The following STAU1 variants were observed in gnomAD, a reference collection of about 807,000 sequenced individuals.
STAU1 encodes double-stranded RNA-binding protein Staufen homolog 1.
STAU1 carries 13 observed loss-of-function variants against 62.9 expected under a neutral mutation model. That is an observed-to-expected ratio of 0.21 (90% CI 0.13 to 0.33). The LOEUF is 0.33. Ranked by LOEUF, STAU1 falls within the 10% of genes least tolerant of loss-of-function variation. STAU1 has a pLI of 1.00. For missense variants in STAU1, 571 were observed against 712.1 expected, an observed-to-expected ratio of 0.80 and a Z score of 2.25; for synonymous variants, 269 against 265.1, an observed-to-expected ratio of 1.01 and a Z score of -0.14.
chr20:49,115,843 G>A lies in STAU1; in HGVS notation c.1657C>T (p.Leu553=). 6.2e-7 allele frequency: 1 copy of A among 1,614,066 alleles called. No individual in the cohort carries two copies. The change falls in exon 13 of 14, where the codon CTG becomes TTG. Residue 553 remains leucine, a synonymous_variant. Coordinates refer to ENST00000371856, the MANE Select transcript of STAU1 (RefSeq NM_017453.4). ...DMAALNILKL[L]SELDQQSTEM... Reference sequence around the variant, plus strand: ...GTACTTTGTTGGTCCAACTCAGACAGCAACTTTAAGATGTTCAGCGCAGCC... The same window carrying A: ...GTACTTTGTTGGTCCAACTCAGACAACAACTTTAAGATGTTCAGCGCAGCC...
At chr20:49,137,970 G>A (rs925566809) in intron 5 of STAU1, among the ~76,000 whole-genome samples, 3 of 151,540 alleles carry the variant, frequency 2.0e-5, no homozygotes, top group African/African-American at 4.9e-5. Flanking sequence ...ATGAGCCACC[G>A]TGTCTGGCCA....
intron 2 of STAU1, among the ~76,000 whole-genome samples, chr20:49,173,560 C>A (rs1461355399): frequency 6.6e-6 from 1 of 152,192 alleles, no homozygotes; most frequent in Admixed American, 6.5e-5. Flanking sequence ...ATTTCCTCAT[C>A]CTCAAAGTAG....
At chr20:49,197,106 G>C in the STAU1 span, among the ~76,000 whole-genome samples, 30 of 150,932 alleles carry the variant, frequency 2.0e-4, no homozygotes, top group African/African-American at 6.1e-4. Flanking sequence ...AGTGAGCCGA[G>C]ATCGCACCAC....
At chr20:49,150,366 AT>A (rs11475781) in intron 5 of STAU1, among the ~76,000 whole-genome samples, 17,114 of 144,986 alleles carry the variant, frequency 0.12, 1,104 homozygotes, top group South Asian at 0.18. Flanking sequence ...TTTTACCTCC[AT>A]TTTTTTTTTT....
the STAU1 span, among the ~76,000 whole-genome samples, chr20:49,198,913 A>G: frequency 6.6e-6 from 1 of 152,082 alleles, no homozygotes; most frequent in Non-Finnish European, 1.5e-5. Flanking sequence ...CAGTGAGCCA[A>G]GATCGTGCCA....
At chr20:49,193,924 G>A in the STAU1 span, among the ~76,000 whole-genome samples, 1 of 151,512 alleles carries the variant, frequency 6.6e-6, no homozygotes, top group African/African-American at 2.4e-5. Context: ...AGCAGAGATC[G>A]CCACAATGCA....
the STAU1 span, among the ~76,000 whole-genome samples, chr20:49,210,055 A>AAAAT: frequency 1.1e-4 from 16 of 152,022 alleles, no homozygotes; most frequent in African/African-American, 3.4e-4. Flanking sequence ...TCTCAAAAAA[A>AAAAT]AATAATAATA....
Position 49,166,084 on chromosome 20 carries a change from T to C in STAU1, c.118A>G (p.Ser40Gly). 1 of 1,614,218 alleles carries C rather than the reference T, an allele frequency of 6.2e-7. No homozygotes were observed. Among genetic ancestry groups the C allele is most frequent in the Non-Finnish European group, 8.5e-7 (1 of 1,180,038 alleles). ...QPLMSIPSTT[S>G]SLPSENAGRP... The stretch of plus-strand genomic sequence containing the variant: ...CCTGCATTTTCAGAGGGCAGAGAGC[T>C]AGTAGTAGAAGGAATACTCATCAAA... Residue 40 changes from serine to glycine, a missense_variant, in exon 3 of 14, where the codon AGC becomes GGC. This residue lies in a region of STAU1 where 414 missense variants were observed against 499.6 expected (regional missense o/e 0.83). Transcript: ENST00000371856.
At chr20:49,211,035 C>T in the STAU1 span, among the ~76,000 whole-genome samples, 4 of 152,196 alleles carry the variant, frequency 2.6e-5, no homozygotes, top group East Asian at 7.7e-4. Context: ...TAGGATTTAC[C>T]TATTCTAGAT....
the STAU1 span, among the ~76,000 whole-genome samples, chr20:49,194,869 C>T: frequency 6.6e-6 from 1 of 151,816 alleles, no homozygotes; most frequent in Non-Finnish European, 1.5e-5. Flanking sequence ...ATGAGCCACC[C>T]TGTCAGCTTG....
chr20:49,169,831 A>G (rs1189162709), intron 2 of STAU1, among the ~76,000 whole-genome samples: 3 of 152,220 alleles, frequency 2.0e-5, no homozygotes, highest in Non-Finnish European at 4.4e-5. Context: ...TCTTAGGCTC[A>G]AGCCCTAATT....
intron 6 of STAU1, among the ~76,000 whole-genome samples, chr20:49,125,837 C>T (rs569628073): frequency 6.6e-6 from 1 of 151,790 alleles, no homozygotes; most frequent in East Asian, 1.9e-4. Flanking sequence ...AGTGGGACTC[C>T]GTCTCAAAAA....
chr20:49,216,838 T>C, the STAU1 span, among the ~76,000 whole-genome samples: 1 of 152,148 alleles, frequency 6.6e-6, no homozygotes, highest in Non-Finnish European at 1.5e-5. Context: ...TCCAAGGATC[T>C]CAGAAGACTT....
chr20:49,211,290 A>C, the STAU1 span, among the ~76,000 whole-genome samples: 3 of 151,954 alleles, frequency 2.0e-5, no homozygotes, highest in African/African-American at 7.3e-5. Context: ...ACTCGTGTAC[A>C]AGGATTTGTT....
intron 1 of STAU1, among the ~76,000 whole-genome samples, chr20:49,183,584 T>A (rs1338344176): frequency 2.6e-5 from 4 of 152,194 alleles, no homozygotes; most frequent in Non-Finnish European, 5.9e-5. Context: ...TCAAAGAAAG[T>A]TGCCCCACAA....
At chr20:49,126,970 T>A (rs2092641452) in intron 6 of STAU1, among the ~76,000 whole-genome samples, 3 of 151,960 alleles carry the variant, frequency 2.0e-5, no homozygotes. Context: ...TACAAAGACT[T>A]TATAACAGGA....
chr20:49,156,840 A>G (rs1772316936), intron 3 of STAU1, among the ~76,000 whole-genome samples: 1 of 151,534 alleles, frequency 6.6e-6, no homozygotes, highest in South Asian at 2.1e-4. Context: ...TTTTATAAAC[A>G]ACAACAAAAA....
chr20:49,114,718 C>T lies in STAU1; in HGVS notation c.*160G>A. The T allele has an allele frequency of 1.4e-6, 1 of 716,038 alleles. No homozygotes were observed. The highest frequency in any genetic ancestry group is 2.6e-5 in the Admixed American group (1 of 38,920). 44.4% of individuals were successfully genotyped at this position (716,038 alleles called of 1,614,324 possible). On this transcript the variant is annotated 3_prime_UTR_variant, in exon 14 of 14. Coordinates refer to ENST00000371856, the MANE Select transcript of STAU1 (RefSeq NM_017453.4). Reference sequence around the variant, plus strand: ...CACAGTCCAGCCCGGCCACAGCCGCCTCCTTGTGTTTCTGTTGTCTTCCCT... The same window carrying T: ...CACAGTCCAGCCCGGCCACAGCCGCTTCCTTGTGTTTCTGTTGTCTTCCCT...
chr20:49,212,933 T>C, the STAU1 span, among the ~76,000 whole-genome samples: 40 of 152,248 alleles, frequency 2.6e-4, no homozygotes, highest in Admixed American at 2.0e-3. Flanking sequence ...TCGGGTAATA[T>C]GTGTTACCCA....
Sources: allele counts gnomAD v4.1 joint callset (sites outside exome capture counted in the v4.1 genomes callset), GRCh38; gene constraint gnomAD v4.1.1; regional missense constraint gnomAD v4.1.1; transcripts MANE v1.5; gene names NCBI Gene and HGNC (gene_info 2026-07-23, HGNC 2026-07-21).